The following GOLGA1 variants were observed in gnomAD, a reference collection of about 807,000 sequenced individuals.
GOLGA1 encodes golgin A1.
In GOLGA1, 63 loss-of-function variants were observed where a neutral mutation model predicts 119.7. That is an observed-to-expected ratio of 0.53 (90% CI 0.43 to 0.65). The LOEUF (loss-of-function observed/expected upper bound fraction) is 0.65. Among genes scored for constraint, GOLGA1 ranks in the 30% least tolerant of loss-of-function variants. The pLI is 0.00. For synonymous variants in GOLGA1, 318 were observed against 333.4 expected, an observed-to-expected ratio of 0.95 and a Z score of 0.50; for missense variants, 798 against 912.8, an observed-to-expected ratio of 0.87 and a Z score of 1.62.
intron 3 of GOLGA1, among the ~76,000 whole-genome samples, chr9:124,933,526 T>C (rs1945611159): frequency 6.6e-6 from 1 of 152,146 alleles, no homozygotes; most frequent in African/African-American, 2.4e-5. Context: ...GTTCAAGAGA[T>C]TCTCCTGCCT....
intron 13 of GOLGA1, 134 bp from the exon 14 acceptor site, chr9:124,899,612 T>C: frequency 1.2e-6 from 1 of 868,196 alleles, no homozygotes; most frequent in Non-Finnish European, 1.8e-6. Context: ...CTGGCGTTGC[T>C]GAGGTCCCCC....
At chr9:124,892,973 A>G (rs1429290453) in intron 15 of GOLGA1, among the ~76,000 whole-genome samples, 5 of 152,026 alleles carry the variant, frequency 3.3e-5, no homozygotes, top group African/African-American at 1.2e-4. Context: ...AAATGTAAAC[A>G]TATAAGAGTT....
rs191458728 is a variant in GOLGA1, at chr9:124,940,349, C to G, written c.-205-194G>C. Reference sequence around the variant, plus strand: ...GATCTCCTATGAAATTGTTTTTTGCCTAAGAGCTTCACTTACAAGCGCATA... The same window carrying G: ...GATCTCCTATGAAATTGTTTTTTGCGTAAGAGCTTCACTTACAAGCGCATA... On this transcript the variant is annotated intron_variant, in intron 1 of 22. Coordinates refer to ENST00000373555, the MANE Select transcript of GOLGA1 (RefSeq NM_002077.4). 3.1e-4 allele frequency among the ~76,000 whole-genome samples: 47 copies of G among 152,186 alleles called. No homozygotes were observed. In the South Asian group the frequency reaches 4.1e-3, roughly 13 times the overall value.
Position 124,888,476 on chromosome 9 carries a change from A to C in GOLGA1, c.1762-80T>G. On this transcript the variant is annotated intron_variant, in intron 18 of 22. Transcript: ENST00000373555. This position sits in a 1 kb window ranked among gnomAD's most constrained non-coding sequence, Gnocchi z 4.4. ...CACAGGTACACAGGGAAGGGGAGCTAGACTCGTCCCTTAGGTATGGGCGTT... is the reference window on the plus strand; with the variant it reads ...CACAGGTACACAGGGAAGGGGAGCTCGACTCGTCCCTTAGGTATGGGCGTT... 7.6e-7 allele frequency: 1 copy of C among 1,309,742 alleles called. No individual in the cohort carries two copies. Among genetic ancestry groups the C allele is most frequent in the Non-Finnish European group, 1.1e-6 (1 of 914,480 alleles). 81.1% of individuals were successfully genotyped at this position (1,309,742 alleles called of 1,614,324 possible). A position where few individuals can be genotyped will look rare whatever the true frequency, so the allele number is the denominator to read the frequency against.
chr9:124,920,696 G>A (rs1830548774), intron 10 of GOLGA1, among the ~76,000 whole-genome samples: 1 of 151,984 alleles, frequency 6.6e-6, no homozygotes. Flanking sequence ...AGCACTTTGG[G>A]AGGCCGAGGT....
In GOLGA1 at chr9:124,891,430, AAGAC is replaced by A. The variant is rs375329042; in HGVS notation, c.1408-956_1408-953del. Among the ~76,000 whole-genome samples the A allele has an allele frequency of 2.0e-4, 30 of 152,372 alleles. No individual in the cohort carries two copies. The East Asian group carries it at 4.2e-3, about 22-fold the overall frequency. On this transcript the variant is annotated intron_variant, in intron 15 of 22. Coordinates refer to ENST00000373555, the MANE Select transcript of GOLGA1 (RefSeq NM_002077.4). The stretch of plus-strand genomic sequence containing the variant: ...GCAGCACTTCAAAATACATGAAGCA[AAGAC>A]AGACAGAACTAAAGGAAGAAAGAGA...
intron 15 of GOLGA1, among the ~76,000 whole-genome samples, chr9:124,894,746 C>G (rs1307746674): frequency 1.3e-5 from 2 of 152,190 alleles, no homozygotes; most frequent in Non-Finnish European, 2.9e-5. Context: ...TTTGCCCCCA[C>G]AAGACATTTG....
In GOLGA1 at chr9:124,890,373, G is replaced by A. The variant is rs756732016; in HGVS notation, c.1497+16C>T. On this transcript the variant is annotated intron_variant, in intron 16 of 22. Coordinates refer to ENST00000373555, the MANE Select transcript of GOLGA1 (RefSeq NM_002077.4). Reference sequence around the variant, plus strand: ...CTGCAGGGGGACATCGCCCCTCAGCGTGAAACAGGGCCCACCTGTTGCTGG... The same window carrying A: ...CTGCAGGGGGACATCGCCCCTCAGCATGAAACAGGGCCCACCTGTTGCTGG... The A allele has an allele frequency of 1.7e-5, 26 of 1,569,774 alleles. No individual in the cohort carries two copies. The highest frequency in any genetic ancestry group is 6.7e-5 in the East Asian group (3 of 44,694).
rs79327267 is a variant in GOLGA1, at chr9:124,890,720, C to T, written c.1408-242G>A. On this transcript the variant is annotated intron_variant, in intron 15 of 22. Coordinates refer to ENST00000373555, the MANE Select transcript of GOLGA1 (RefSeq NM_002077.4). ...ACACCACTGAGGATCGATTGCCCCA[C>T]GAGCACCCCCGCCAGGACCCACACC... 1.9e-4 allele frequency among the ~76,000 whole-genome samples: 29 copies of T among 152,210 alleles called. No homozygotes were observed. In the East Asian group the frequency reaches 5.0e-3, roughly 26 times the overall value.
chr9:124,924,014 C>A (rs1052908276), intron 7 of GOLGA1, among the ~76,000 whole-genome samples: 2 of 152,110 alleles, frequency 1.3e-5, no homozygotes, highest in Admixed American at 6.6e-5. Flanking sequence ...CACCACCATG[C>A]CCGGCTAATT....
chr9:124,944,285 T>C (rs1286265073), upstream of GOLGA1: 1 of 151,372 alleles, frequency 6.6e-6, no homozygotes, highest in African/African-American at 2.4e-5. Context: ...CTTCAGGAAA[T>C]AGTAATAAAA....
At chr9:124,945,995 T>C (rs1321082574), upstream of GOLGA1, 4 of 152,196 alleles carry the variant, frequency 2.6e-5, no homozygotes, top group Non-Finnish European at 5.9e-5. Flanking sequence ...TGTTACCTTA[T>C]TCACCCTCAA....
At chr9:124,914,012 G>A (rs1033901155) in intron 10 of GOLGA1, among the ~76,000 whole-genome samples, 2 of 152,104 alleles carry the variant, frequency 1.3e-5, no homozygotes, top group Non-Finnish European at 2.9e-5. Flanking sequence ...TCAGACACCT[G>A]GGCAAATGGT....
At chr9:124,917,780 C>T (rs188755603) in intron 10 of GOLGA1, among the ~76,000 whole-genome samples, 1 of 152,242 alleles carries the variant, frequency 6.6e-6, no homozygotes, top group East Asian at 1.9e-4. Context: ...CCCTTTCTCT[C>T]CAGCCTGAGC....
At chr9:124,895,939 A>G (rs144343568) in intron 15 of GOLGA1, among the ~76,000 whole-genome samples, 93 of 149,002 alleles carry the variant, frequency 6.2e-4, no homozygotes, top group African/African-American at 2.2e-3. Flanking sequence ...TCCACAACAG[A>G]GACCCTCTAT....
At chr9:124,940,241 G>A (rs541953564) in intron 1 of GOLGA1, 86 bp from the exon 2 acceptor site, 37 of 152,228 alleles carry the variant, frequency 2.4e-4, no homozygotes, top group African/African-American at 8.4e-4. Context: ...GGGAAGAAGT[G>A]AAGGAAGAGG....
intron 12 of GOLGA1, among the ~76,000 whole-genome samples, chr9:124,903,524 GA>G (rs1351595418): frequency 1.3e-5 from 2 of 151,232 alleles, no homozygotes; most frequent in Admixed American, 1.3e-4. Context: ...TGGGCTTACA[GA>G]ACGGGGGCTC....
At chr9:124,927,597 TA>T (rs1158912264) in intron 6 of GOLGA1, among the ~76,000 whole-genome samples, 1 of 152,256 alleles carries the variant, frequency 6.6e-6, no homozygotes, top group Non-Finnish European at 1.5e-5. Context: ...ATCTTAAATT[TA>T]AAATGTCATC....
intron 9 of GOLGA1, 136 bp downstream of exon 9, chr9:124,921,587 G>GT (rs1403888564): frequency 1.4e-6 from 1 of 739,766 alleles, no homozygotes; most frequent in African/African-American, 1.8e-5. Flanking sequence ...TCCTAGGCAG[G>GT]TAAGGATGTG....
Sources: allele counts gnomAD v4.1 joint callset (sites outside exome capture counted in the v4.1 genomes callset), GRCh38; gene constraint gnomAD v4.1.1; non-coding constraint Gnocchi (gnomAD v3.1); transcripts MANE v1.5; gene names NCBI Gene and HGNC (gene_info 2026-07-23, HGNC 2026-07-21).